Variants in LPXN observed in about 807,000 individuals in gnomAD.
The protein encoded by LPXN is leupaxin.
In LPXN, 28 loss-of-function variants were observed where a neutral mutation model predicts 45.6. The ratio of observed to expected loss-of-function variants is 0.61; its 90% CI spans 0.45 to 0.84. The LOEUF is 0.84. Among genes scored for constraint, LPXN ranks in the 40% least tolerant of loss-of-function variants. The pLI is 0.00. For synonymous variants in LPXN, 166 were observed against 169.9 expected, an observed-to-expected ratio of 0.98 and a Z score of 0.18; for missense variants, 459 against 475.0, an observed-to-expected ratio of 0.97 and a Z score of 0.31.
At chr11:58,542,492 T>C (rs1853759397) in intron 7 of LPXN, among the ~76,000 whole-genome samples, 1 of 151,850 alleles carries the variant, frequency 6.6e-6, no homozygotes, top group African/African-American at 2.4e-5. Flanking sequence ...TAGGAATTAA[T>C]TAATACAAAT....
At chr11:58,561,199 T>C (rs1329184978) in intron 3 of LPXN, among the ~76,000 whole-genome samples, 1 of 152,190 alleles carries the variant, frequency 6.6e-6, no homozygotes, top group African/African-American at 2.4e-5. Flanking sequence ...GTCTTTCACT[T>C]AATATATTTT....
chr11:58,533,990 T>C (rs950952528), intron 7 of LPXN, among the ~76,000 whole-genome samples: 1 of 152,204 alleles, frequency 6.6e-6, no homozygotes, highest in African/African-American at 2.4e-5. Context: ...TAATTATATA[T>C]GCACCCAATA....
intron 3 of LPXN, among the ~76,000 whole-genome samples, chr11:58,563,599 G>T (rs1854442553): frequency 6.6e-6 from 1 of 152,164 alleles, no homozygotes; most frequent in East Asian, 1.9e-4. Context: ...TATTTTTTCA[G>T]ACTGCCAATT....
chr11:58,551,260 A>G, intron 4 of LPXN, 28 bp from the exon 5 acceptor site: 1 of 1,563,028 alleles, frequency 6.4e-7, no homozygotes, highest in Non-Finnish European at 8.6e-7. Context: ...CCAAGAACAG[A>G]ATCAGCCTCA....
chr11:58,548,428 C>T (rs1025048968), intron 7 of LPXN, among the ~76,000 whole-genome samples: 3 of 151,608 alleles, frequency 2.0e-5, no homozygotes, highest in Non-Finnish European at 4.4e-5. Context: ...AGGAAAGTCT[C>T]CTGGAGGGAT....
Position 58,535,324 on chromosome 11 carries a change from C to T in LPXN, c.743-7133G>A, listed in dbSNP as rs530074850. ...AGCATATCAAAAAGCTTATCCGCCA[C>T]GATCAAGTCAGCTTCATACCTGGGA... On this transcript the variant is annotated intron_variant, in intron 7 of 8. Coordinates refer to ENST00000395074, the MANE Select transcript of LPXN (RefSeq NM_004811.3). 5.3e-5 allele frequency among the ~76,000 whole-genome samples: 8 copies of T among 152,254 alleles called. 1 individual carries two copies. The East Asian group carries it at 1.2e-3, about 22-fold the overall frequency.
upstream of LPXN, chr11:58,578,228 G>C (rs937959260): frequency 8.3e-6 from 6 of 725,458 alleles, no homozygotes; most frequent in Non-Finnish European, 1.3e-5. Context: ...TGTACGGCAC[G>C]CGTCGCGACC....
chr11:58,575,995 G>C, upstream of LPXN: 1 of 1,351,566 alleles, frequency 7.4e-7, no homozygotes, highest in Non-Finnish European at 9.6e-7. Context: ...GACATAGAAA[G>C]GTAGATAGTA....
chr11:58,549,424 A>C (rs1853972823), intron 7 of LPXN, among the ~76,000 whole-genome samples: 1 of 152,186 alleles, frequency 6.6e-6, no homozygotes, highest in Admixed American at 6.5e-5. Flanking sequence ...AAACAACAAC[A>C]ACAACAAAAA....
intron 3 of LPXN, among the ~76,000 whole-genome samples, chr11:58,556,361 A>AT (rs1854204312): frequency 6.6e-6 from 1 of 152,096 alleles, no homozygotes; most frequent in South Asian, 2.1e-4. Flanking sequence ...ATCAAGAAAA[A>AT]TAAGAAAAAG....
At chr11:58,559,000 T>C (rs1854294458) in intron 3 of LPXN, among the ~76,000 whole-genome samples, 2 of 151,760 alleles carry the variant, frequency 1.3e-5, no homozygotes, top group South Asian at 4.1e-4. Context: ...AAGAAATGTA[T>C]AAATAATTTA....
At chr11:58,535,484 ATC>A (rs1853522946) in intron 7 of LPXN, among the ~76,000 whole-genome samples, 1 of 152,234 alleles carries the variant, frequency 6.6e-6, no homozygotes, top group Non-Finnish European at 1.5e-5. Context: ...TCATGATAAA[ATC>A]TCTTAATAAA....
Position 58,527,634 on chromosome 11 carries a change from C to T in LPXN, c.981G>A (p.Thr327=), listed in dbSNP as rs201873694. 1.2e-4 allele frequency: 186 copies of T among 1,614,020 alleles called. No individual in the cohort carries two copies. The highest frequency in any genetic ancestry group is 4.2e-5 in the Non-Finnish European group (49 of 1,180,022). ...CELHYHHRRG[T]LCHGCGQPIT... ...TGGGCTGCCCACACCCATGGCAGAG[C>T]GTTCCCCGGCGGTGATGGTAATGGA... The change falls in exon 9 of 9, where the codon ACG becomes ACA. Residue 327 remains threonine, a synonymous_variant. Transcript: ENST00000395074.
At position 58,527,430 on chromosome 11, in the gene LPXN, G is replaced by T; in HGVS notation, c.*24C>A. ...TTGGTTTAAATTTTATAAGGAATCT[G>T]AAGAGGCTATGGATCAGTTGGCATT... On this transcript the variant is annotated 3_prime_UTR_variant, in exon 9 of 9. Transcript: ENST00000395074. 6.2e-7 allele frequency: 1 copy of T among 1,610,152 alleles called. No individual in the cohort carries two copies. Among genetic ancestry groups the T allele is most frequent in the East Asian group, 2.2e-5 (1 of 44,800 alleles).
At chr11:58,567,423 AATT>A (rs1186688199) in intron 2 of LPXN, among the ~76,000 whole-genome samples, 1 of 152,222 alleles carries the variant, frequency 6.6e-6, no homozygotes, top group African/African-American at 2.4e-5. Flanking sequence ...CCTCTAAGGA[AATT>A]ATTATAAAAA....
At chr11:58,573,246 C>CAA (rs59534059) in intron 1 of LPXN, among the ~76,000 whole-genome samples, 1 of 90,476 alleles carries the variant, frequency 1.1e-5, no homozygotes, top group Admixed American at 1.2e-4. Context: ...AACTCCGTCT[C>CAA]AAAAAAAAAA....
At chr11:58,543,023 G>A (rs1478760226) in intron 7 of LPXN, among the ~76,000 whole-genome samples, 1 of 152,096 alleles carries the variant, frequency 6.6e-6, no homozygotes, top group East Asian at 1.9e-4. Context: ...ATACCCAAAT[G>A]GCTTAGTCCT....
chr11:58,574,136 T>A (rs1028668667), intron 1 of LPXN, among the ~76,000 whole-genome samples: 3 of 152,222 alleles, frequency 2.0e-5, no homozygotes, highest in African/African-American at 7.2e-5. Flanking sequence ...ATCAACAGCC[T>A]GTGGAGACGT....
chr11:58,549,355 G>A (rs1206023222), intron 7 of LPXN, among the ~76,000 whole-genome samples: 3 of 152,090 alleles, frequency 2.0e-5, no homozygotes, highest in Admixed American at 2.0e-4. Flanking sequence ...GATCGCACCA[G>A]AGATCGCACC....
Sources: allele counts gnomAD v4.1 joint callset (sites outside exome capture counted in the v4.1 genomes callset), GRCh38; gene constraint gnomAD v4.1.1; transcripts MANE v1.5; gene names NCBI Gene and HGNC (gene_info 2026-07-23, HGNC 2026-07-21).